EPHA6: variants seen among roughly 807,000 people sequenced by gnomAD.
EPHA6 encodes the protein ephrin type-A receptor 6.
In EPHA6, 50 loss-of-function variants were observed where a neutral mutation model predicts 112.0. The ratio of observed to expected loss-of-function variants is 0.45; its 90% CI spans 0.36 to 0.56. EPHA6 has a LOEUF of 0.56. Ranked by LOEUF, EPHA6 falls within the 20% of genes least tolerant of loss-of-function variation. The probability of loss-of-function intolerance (pLI) is 0.00; values close to 1 mark genes in which losing one functional copy is unlikely to be tolerated. For synonymous variants in EPHA6, 529 were observed against 490.7 expected (o/e 1.08, Z -1.03); for missense variants, 1,280 against 1,417.4 (o/e 0.90, Z 1.56).
chr3:96,939,225 C>A (rs2107680471), intron 2 of EPHA6, among the ~76,000 whole-genome samples: 1 of 152,290 alleles, frequency 6.6e-6, no homozygotes, highest in South Asian at 2.1e-4. Context: ...GGCTGTGAAT[C>A]CATCTGGTCC....
At chr3:96,974,964 A>C (rs1432014634) in intron 2 of EPHA6, among the ~76,000 whole-genome samples, 1 of 152,152 alleles carries the variant, frequency 6.6e-6, no homozygotes, top group Non-Finnish European at 1.5e-5. Flanking sequence ...AGTGCATGCC[A>C]TTCAGGGCCA....
chr3:97,183,623 T>C (rs1020840536), intron 3 of EPHA6, among the ~76,000 whole-genome samples: 1 of 152,158 alleles, frequency 6.6e-6, no homozygotes, highest in Non-Finnish European at 1.5e-5. Context: ...TTTTCTTTAA[T>C]TAAATTAAAC....
At chr3:97,257,493 T>C (rs2079355234) in intron 5 of EPHA6, among the ~76,000 whole-genome samples, 1 of 152,040 alleles carries the variant, frequency 6.6e-6, no homozygotes, top group Admixed American at 6.5e-5. Context: ...TGGTAGGCAA[T>C]GTTTTTCTCA....
intron 3 of EPHA6, among the ~76,000 whole-genome samples, chr3:97,112,832 G>C (rs1425542712): frequency 1.3e-5 from 2 of 152,000 alleles, no homozygotes; most frequent in Non-Finnish European, 2.9e-5. Context: ...TAGTATCACT[G>C]TCTCACCTAA....
chr3:96,931,018 A>AAAAAAAAAAAAAAAAAAAAAAAAAAAAAG (rs796531853), intron 2 of EPHA6, among the ~76,000 whole-genome samples: 1 of 84,562 alleles, frequency 1.2e-5, no homozygotes, highest in Non-Finnish European at 2.4e-5. Context: ...AAAAAAAAAA[A>AAAAAAAAAAAAAAAAAAAAAAAAAAAAAG]AAAGAAAAGC....
intron 5 of EPHA6, among the ~76,000 whole-genome samples, chr3:97,324,221 C>T (rs988361524): frequency 6.6e-6 from 1 of 152,018 alleles, no homozygotes; most frequent in Non-Finnish European, 1.5e-5. Context: ...TGAGGGATAA[C>T]TCAAATGCCA....
chr3:97,463,425 T>C (rs1205422343), intron 7 of EPHA6, among the ~76,000 whole-genome samples: 1 of 152,146 alleles, frequency 6.6e-6, no homozygotes, highest in East Asian at 1.9e-4. Context: ...TTTAATAGGT[T>C]AGAACTAAAA....
chr3:97,546,482 C>G (rs1202730200), intron 11 of EPHA6, among the ~76,000 whole-genome samples: 2 of 152,166 alleles, frequency 1.3e-5, no homozygotes, highest in Non-Finnish European at 2.9e-5. Context: ...ACCTTTCTCT[C>G]TGGCTGCCCT....
At position 97,570,698 on chromosome 3, in the gene EPHA6, C is replaced by A. The variant is rs1018392236; in HGVS notation, c.2387-21914C>A. Among the ~76,000 whole-genome samples the A allele has an allele frequency of 4.6e-5, 7 of 151,316 alleles. No homozygotes were observed. In the South Asian group the frequency reaches 6.3e-4, roughly 14 times the overall value. ...AAGCAGAGATCACACCACTGTACTC[C>A]AGCCAGGGTGACAGAGTGAGACTCT... On this transcript the variant is annotated intron_variant, in intron 11 of 17. Transcript: ENST00000389672.
At chr3:97,163,471 A>C (rs990917957) in intron 3 of EPHA6, among the ~76,000 whole-genome samples, 63 of 152,240 alleles carry the variant, frequency 4.1e-4, no homozygotes, top group Admixed American at 1.4e-3. Flanking sequence ...ATTCATTCCC[A>C]CACATGTTTC....
At position 97,474,157 on chromosome 3, in the gene EPHA6, C is replaced by T. The variant is rs554377039; in HGVS notation, c.1895-1195C>T. Reference sequence around the variant, plus strand: ...ATATGAATTTGCACATAATATACTGCATACTCAATTCCCAGAAAAAGATCT... The same window carrying T: ...ATATGAATTTGCACATAATATACTGTATACTCAATTCCCAGAAAAAGATCT... On this transcript the variant is annotated intron_variant, in intron 7 of 17. Transcript: ENST00000389672. Among the ~76,000 whole-genome samples, 7 of 151,874 alleles carry T rather than the reference C, an allele frequency of 4.6e-5. No individual in the cohort carries two copies. The South Asian group carries it at 1.2e-3, about 27-fold the overall frequency.
At chr3:97,521,665 C>T (rs1232515645) in intron 10 of EPHA6, among the ~76,000 whole-genome samples, 1 of 152,120 alleles carries the variant, frequency 6.6e-6, no homozygotes, top group African/African-American at 2.4e-5. Flanking sequence ...ATGGGAACTA[C>T]AATTCAAGAT....
At chr3:97,201,431 C>T (rs1177850091) in intron 3 of EPHA6, among the ~76,000 whole-genome samples, 1 of 152,076 alleles carries the variant, frequency 6.6e-6, no homozygotes, top group East Asian at 1.9e-4. Context: ...AGCCTAAAAT[C>T]TGTTAACAGT....
intron 3 of EPHA6, among the ~76,000 whole-genome samples, chr3:97,079,255 A>T (rs1294249612): frequency 1.3e-5 from 2 of 152,182 alleles, no homozygotes; most frequent in Non-Finnish European, 2.9e-5. Flanking sequence ...ACACCATGGG[A>T]TACTGTACAG....
Position 97,668,111 on chromosome 3 carries a change from G to A in EPHA6, c.2784+30029G>A, listed in dbSNP as rs377733733. The stretch of plus-strand genomic sequence containing the variant: ...TGACAACTCACAAAACGTCTTTGTG[G>A]TAGGTAACTATAGCCATCAAAATGC... On this transcript the variant is annotated intron_variant, in intron 14 of 17. Coordinates refer to ENST00000389672, the MANE Select transcript of EPHA6 (RefSeq NM_001080448.3). 3.3e-5 allele frequency among the ~76,000 whole-genome samples: 5 copies of A among 152,198 alleles called. No individual in the cohort carries two copies. In the East Asian group the frequency reaches 9.6e-4, roughly 29 times the overall value.
rs1021398531 is a variant in EPHA6 at position 97,258,967 on chromosome 3, C to T, written c.1606+14680C>T. On this transcript the variant is annotated intron_variant, in intron 5 of 17. Transcript: ENST00000389672. ...CTACACCTCCACTAGAAGGACACCTCTCTTAAAATCCTATTTTAACTTTCC... is the reference window on the plus strand; with the variant it reads ...CTACACCTCCACTAGAAGGACACCTTTCTTAAAATCCTATTTTAACTTTCC... Among the ~76,000 whole-genome samples the T allele has an allele frequency of 1.2e-4, 18 of 152,300 alleles. 1 individual carries two copies. Among genetic ancestry groups the T allele is most frequent in the Admixed American group, 1.1e-3 (17 of 15,290 alleles).
At chr3:96,908,760 A>G (rs2039066732) in intron 2 of EPHA6, among the ~76,000 whole-genome samples, 1 of 151,920 alleles carries the variant, frequency 6.6e-6, no homozygotes, top group African/African-American at 2.4e-5. Flanking sequence ...AAACTGTTTC[A>G]ATAAAGAAAA....
chr3:97,697,915 G>T (rs2033140602), intron 14 of EPHA6, among the ~76,000 whole-genome samples: 1 of 152,132 alleles, frequency 6.6e-6, no homozygotes. Context: ...AGTTTTATTG[G>T]CATGTTAAGA....
chr3:97,230,181 A>T (rs1048252687), intron 4 of EPHA6, among the ~76,000 whole-genome samples: 3 of 152,132 alleles, frequency 2.0e-5, no homozygotes, highest in Non-Finnish European at 2.9e-5. Context: ...TTATTTTCTT[A>T]GGAGGCTATA....
Sources: gnomAD v4.1 joint callset for allele counts (sites outside exome capture counted in the v4.1 genomes callset) on GRCh38, gnomAD v4.1.1 for gene constraint, MANE v1.5 for transcripts, NCBI Gene and HGNC (gene_info 2026-07-23, HGNC 2026-07-21) for gene names.